Variants in RAB7A observed in about 807,000 individuals in gnomAD.
RAB7A encodes RAB7A, member RAS oncogene family, also known as ras-related protein Rab-7a.
In RAB7A, 2 loss-of-function variants were observed where a neutral mutation model predicts 24.5. The observed-to-expected ratio is 0.08, with a 90% CI of 0.03 to 0.26. The LOEUF (loss-of-function observed/expected upper bound fraction) is 0.26, where lower values mean the gene tolerates loss of function less well. Ranked by LOEUF, RAB7A falls within the 10% of genes least tolerant of loss-of-function variation. The pLI, the probability that RAB7A is intolerant of heterozygous loss-of-function variation, is 1.00. For synonymous variants in RAB7A, 100 were observed against 95.9 expected, an observed-to-expected ratio of 1.04 and a Z score of -0.25; for missense variants, 118 against 255.7, an observed-to-expected ratio of 0.46 and a Z score of 3.67.
intron 5 of RAB7A, 88 bp downstream of exon 5, chr3:128,807,759 C>A (rs1933836448): frequency 1.3e-6 from 2 of 1,569,358 alleles, no homozygotes; most frequent in Admixed American, 3.3e-5. Flanking sequence ...TAATCTTCTT[C>A]CCTAACCCAC....
intron 1 of RAB7A, among the ~76,000 whole-genome samples, chr3:128,758,496 C>T (rs1180173795): frequency 5.3e-5 from 8 of 151,668 alleles, no homozygotes; most frequent in Admixed American, 4.6e-4. Context: ...AGGATGGTCT[C>T]GGTCTCCTGA....
intron 1 of RAB7A, chr3:128,764,428 G>T (rs2070807059): frequency 4.0e-6 from 3 of 741,228 alleles, no homozygotes; most frequent in Non-Finnish European, 7.4e-6. Flanking sequence ...AGTGACCAGG[G>T]AATTCGCCCC....
rs926061180 is a variant in RAB7A at position 128,814,012 on chromosome 3, A to G, written c.*590A>G. 6.2e-5 allele frequency: 10 copies of G among 161,394 alleles called. No individual in the cohort carries two copies. The highest frequency in any genetic ancestry group is 2.4e-4 in the African/African-American group (10 of 41,666). 10.0% of individuals were successfully genotyped at this position (161,394 alleles called of 1,614,324 possible). ...CTAATCAGATCTTTTTACAGTATCC[A>G]TTTATTATGTAATGCTTCTTAGAAA... On this transcript the variant is annotated 3_prime_UTR_variant, in exon 6 of 6. Coordinates refer to ENST00000265062, the MANE Select transcript of RAB7A (RefSeq NM_004637.6).
chr3:128,736,467 TA>T (rs2070490278), intron 1 of RAB7A, among the ~76,000 whole-genome samples: 1 of 152,160 alleles, frequency 6.6e-6, no homozygotes, highest in Non-Finnish European at 1.5e-5. Context: ...TAGTAACCAA[TA>T]ACCTCAAAGT....
intron 1 of RAB7A, among the ~76,000 whole-genome samples, chr3:128,749,819 TAA>T (rs1330203299): frequency 2.0e-5 from 3 of 152,246 alleles, no homozygotes; most frequent in African/African-American, 7.2e-5. Flanking sequence ...TAAATCCAGT[TAA>T]ACCTCTTGGT....
intron 1 of RAB7A, among the ~76,000 whole-genome samples, chr3:128,752,755 TA>T (rs1491543183): frequency 1.3e-5 from 2 of 151,228 alleles, no homozygotes; most frequent in Non-Finnish European, 1.5e-5. Flanking sequence ...TTTTTTTTTT[TA>T]AAGTGTTTAT....
chr3:128,772,236 G>C (rs753025884), intron 1 of RAB7A, among the ~76,000 whole-genome samples: 1 of 152,194 alleles, frequency 6.6e-6, no homozygotes, highest in Non-Finnish European at 1.5e-5. Flanking sequence ...ATTTCCCTCA[G>C]TTCTACACAA....
rs577741634 is a variant in RAB7A, at chr3:128,814,021, G to A, written c.*599G>A. ...TCTTTTTACAGTATCCATTTATTATGTAATGCTTCTTAGAAAAGAATCTTA... is the reference window on the plus strand; with the variant it reads ...TCTTTTTACAGTATCCATTTATTATATAATGCTTCTTAGAAAAGAATCTTA... On this transcript the variant is annotated 3_prime_UTR_variant, in exon 6 of 6. Coordinates refer to ENST00000265062, the MANE Select transcript of RAB7A (RefSeq NM_004637.6). 2 of 160,072 alleles carry A rather than the reference G, an allele frequency of 1.2e-5. No homozygotes were observed. Among genetic ancestry groups the A allele is most frequent in the African/African-American group, 2.4e-5 (1 of 41,576 alleles). The allele number at this position is 160,072 out of a possible 1,614,324, so 9.9% of individuals were successfully genotyped here. A position where few individuals can be genotyped will look rare whatever the true frequency, so the allele number is the denominator to read the frequency against.
At position 128,772,414 on chromosome 3, in the gene RAB7A, G is replaced by GT. The variant is rs1028902872; in HGVS notation, c.-8-22937dup. On this transcript the variant is annotated intron_variant, in intron 1 of 5. Transcript: ENST00000265062. ...TGAGAGTTTATAATACTATTGTCTC[G>GT]TTTTTTTTTCTTCCATAACATATTT... Among the ~76,000 whole-genome samples, 87 of 150,966 alleles carry GT rather than the reference G, an allele frequency of 5.8e-4. No individual in the cohort carries two copies. In the East Asian group the frequency reaches 0.013, roughly 23 times the overall value.
intron 1 of RAB7A, among the ~76,000 whole-genome samples, chr3:128,752,918 T>G (rs2070700171): frequency 1.3e-5 from 2 of 152,180 alleles, no homozygotes. Flanking sequence ...CAATACCTTT[T>G]TCTGAATTAA....
At chr3:128,728,751 C>T (rs1414328861) in intron 1 of RAB7A, among the ~76,000 whole-genome samples, 1 of 152,246 alleles carries the variant, frequency 6.6e-6, no homozygotes, top group African/African-American at 2.4e-5. Flanking sequence ...GCATGAGCCA[C>T]TGCGCCCGGC....
rs182521602 is a variant in RAB7A, at chr3:128,813,585, T to G, written c.*163T>G. 3,698 of 630,238 alleles carry G rather than the reference T, an allele frequency of 5.9e-3. 27 individuals are homozygous for G. Among genetic ancestry groups the G allele is most frequent in the South Asian group, 0.019 (1,177 of 62,026 alleles). 39.0% of individuals were successfully genotyped at this position (630,238 alleles called of 1,614,324 possible). On this transcript the variant is annotated 3_prime_UTR_variant, in exon 6 of 6. Transcript: ENST00000265062. ...AACACAGTTACACCCCACATATCTC[T>G]CACACACACACACACACGCACACAC...
chr3:128,776,187 G>T (rs1028108583), intron 1 of RAB7A, among the ~76,000 whole-genome samples: 1 of 152,094 alleles, frequency 6.6e-6, no homozygotes, highest in Non-Finnish European at 1.5e-5. Context: ...ATGTTCTCCA[G>T]GTTCATCCTC....
intron 1 of RAB7A, among the ~76,000 whole-genome samples, chr3:128,784,055 C>T (rs953831072): frequency 2.0e-5 from 3 of 152,182 alleles, no homozygotes; most frequent in African/African-American, 7.2e-5. Flanking sequence ...CGTAACATTC[C>T]CAATTTAGCA....
intron 1 of RAB7A, among the ~76,000 whole-genome samples, chr3:128,744,987 C>G (rs2107588090): frequency 6.6e-6 from 1 of 151,630 alleles, no homozygotes; most frequent in Middle Eastern, 3.4e-3. Context: ...CATTCTCCTG[C>G]CTCAGCATCC....
intron 1 of RAB7A, among the ~76,000 whole-genome samples, chr3:128,754,320 A>G (rs139931674): frequency 5.8e-4 from 89 of 152,238 alleles, no homozygotes; most frequent in African/African-American, 1.4e-3. Flanking sequence ...TTTATATGTT[A>G]TTGAAGTTAA....
At chr3:128,731,380 C>T (rs1369951118) in intron 1 of RAB7A, among the ~76,000 whole-genome samples, 7 of 152,176 alleles carry the variant, frequency 4.6e-5, no homozygotes, top group Non-Finnish European at 7.3e-5. Context: ...GAGATAACTG[C>T]GGGTCATTTA....
intron 1 of RAB7A, among the ~76,000 whole-genome samples, chr3:128,789,952 A>C (rs1178221757): frequency 4.6e-5 from 7 of 152,154 alleles, no homozygotes; most frequent in African/African-American, 1.7e-4. Flanking sequence ...CACCACGCGC[A>C]GCTTAATTTT....
rs987234425 is a variant in RAB7A at position 128,814,534 on chromosome 3, C to T, written c.*1112C>T. 1 of 152,622 alleles carries T rather than the reference C, an allele frequency of 6.6e-6. No homozygotes were observed. The highest frequency in any genetic ancestry group is 1.5e-5 in the Non-Finnish European group (1 of 68,040). 9.5% of individuals were successfully genotyped at this position (152,622 alleles called of 1,614,324 possible). A position where few individuals can be genotyped will look rare whatever the true frequency, so the allele number is the denominator to read the frequency against. On this transcript the variant is annotated 3_prime_UTR_variant, in exon 6 of 6. Transcript: ENST00000265062. ...TTTACCTTTGTTCTAGAAGGCGCTCCTTTCAGGGTTGTGGTATTCTTAGGT... is the reference window on the plus strand; with the variant it reads ...TTTACCTTTGTTCTAGAAGGCGCTCTTTTCAGGGTTGTGGTATTCTTAGGT...
Sources: gnomAD v4.1 joint callset for allele counts (sites outside exome capture counted in the v4.1 genomes callset) on GRCh38, gnomAD v4.1.1 for gene constraint, MANE v1.5 for transcripts, NCBI Gene and HGNC (gene_info 2026-07-23, HGNC 2026-07-21) for gene names.